The following ATRNL1 variants were observed in gnomAD, a reference collection of about 807,000 sequenced individuals.
ATRNL1 encodes attractin like 1.
ATRNL1 carries 95 observed loss-of-function variants against 182.7 expected under a neutral mutation model. That is an observed-to-expected ratio of 0.52 (90% CI 0.44 to 0.62). The LOEUF (loss-of-function observed/expected upper bound fraction) is 0.62, where lower values mean the gene tolerates loss of function less well. Ranked by LOEUF, ATRNL1 falls within the 20% of genes least tolerant of loss-of-function variation. ATRNL1 has a pLI of 0.00. For missense variants in ATRNL1, 1,471 were observed against 1,679.5 expected (o/e 0.88, Z 2.17); for synonymous variants, 576 against 568.3 (o/e 1.01, Z -0.19).
At chr10:115,836,944 T>C (rs963481185) in intron 27 of ATRNL1, among the ~76,000 whole-genome samples, 1 of 152,082 alleles carries the variant, frequency 6.6e-6, no homozygotes, top group Non-Finnish European at 1.5e-5. Context: ...GACAGAAGGC[T>C]CCTTGAAGGC....
At chr10:115,572,473 T>C (rs1316018881) in intron 26 of ATRNL1, among the ~76,000 whole-genome samples, 1 of 152,126 alleles carries the variant, frequency 6.6e-6, no homozygotes, top group Non-Finnish European at 1.5e-5. Context: ...ATCTAGGGTT[T>C]TACCTTCAAA....
intron 24 of ATRNL1, among the ~76,000 whole-genome samples, chr10:115,485,277 A>C (rs898780548): frequency 3.9e-5 from 6 of 152,064 alleles, no homozygotes; most frequent in Middle Eastern, 3.4e-3. Flanking sequence ...TATTTTTTGT[A>C]GAGTAATTTC....
intron 28 of ATRNL1, among the ~76,000 whole-genome samples, chr10:115,898,021 G>A (rs913075937): frequency 4.0e-5 from 6 of 151,740 alleles, no homozygotes; most frequent in Admixed American, 6.6e-5. Flanking sequence ...CCGTCTTCCC[G>A]GGTTCAAGCA....
intron 27 of ATRNL1, among the ~76,000 whole-genome samples, chr10:115,830,123 T>C (rs1370199046): frequency 1.3e-5 from 2 of 152,228 alleles, no homozygotes; most frequent in African/African-American, 4.8e-5. Context: ...TCCTGGTGCA[T>C]TGGCGGATCT....
intron 19 of ATRNL1, among the ~76,000 whole-genome samples, chr10:115,340,956 G>GTTTAACCC (rs2045897238): frequency 6.6e-6 from 1 of 151,050 alleles, no homozygotes; most frequent in African/African-American, 2.4e-5. Flanking sequence ...TTTCTATTTT[G>GTTTAACCC]TTTAACCTTT....
intron 19 of ATRNL1, among the ~76,000 whole-genome samples, chr10:115,361,435 T>C (rs1856742805): frequency 6.6e-6 from 1 of 152,040 alleles, no homozygotes; most frequent in South Asian, 2.1e-4. Flanking sequence ...TTTGGTACTT[T>C]TAGTGGGCTC....
intron 27 of ATRNL1, among the ~76,000 whole-genome samples, chr10:115,847,508 C>A (rs782018025): frequency 6.6e-6 from 1 of 151,902 alleles, no homozygotes; most frequent in Non-Finnish European, 1.5e-5. Context: ...GTTGTACACC[C>A]TATAGACAGT....
chr10:115,584,644 T>C (rs188005719), intron 26 of ATRNL1, among the ~76,000 whole-genome samples: 9,729 of 150,948 alleles, frequency 0.064, 419 homozygotes, highest in Middle Eastern at 0.095. Context: ...CTCTCTTTTT[T>C]TCTTTATTAG....
rs1844062382 is a variant in ATRNL1 at position 115,107,454 on chromosome 10, G to C, written c.294-12731G>C. 2.0e-5 allele frequency among the ~76,000 whole-genome samples: 3 copies of C among 152,322 alleles called. No homozygotes were observed. In the South Asian group the frequency reaches 6.2e-4, roughly 32 times the overall value. On this transcript the variant is annotated intron_variant, in intron 1 of 28. Transcript: ENST00000355044. ...TCGCCTTCTGAGCATACTTGGATGA[G>C]GATTGGGCTCCCAAGACCTCAGGCA... is the stretch of plus-strand genomic sequence containing the variant.
intron 26 of ATRNL1, among the ~76,000 whole-genome samples, chr10:115,678,386 T>C (rs1945936377): frequency 6.6e-6 from 1 of 152,104 alleles, no homozygotes; most frequent in Non-Finnish European, 1.5e-5. Flanking sequence ...TTTTATAAAA[T>C]TGATTATGAA....
intron 8 of ATRNL1, among the ~76,000 whole-genome samples, chr10:115,183,541 ATAG>A (rs1554888185): frequency 6.6e-6 from 1 of 151,638 alleles, no homozygotes; most frequent in African/African-American, 2.4e-5. Flanking sequence ...GGATATTAAA[ATAG>A]TAGACTATCT....
intron 20 of ATRNL1, among the ~76,000 whole-genome samples, chr10:115,410,624 C>G (rs782308630): frequency 7.9e-5 from 12 of 151,956 alleles, no homozygotes; most frequent in Non-Finnish European, 1.3e-4. Flanking sequence ...TGGCCTCTCT[C>G]TCTCTGTTTT....
chr10:115,621,276 T>TATATATATATATATATAGAGAG (rs1268020830), intron 26 of ATRNL1, among the ~76,000 whole-genome samples: 4 of 47,580 alleles, frequency 8.4e-5, no homozygotes, highest in African/African-American at 1.5e-4. Flanking sequence ...TATATATATA[T>TATATATATATATATATAGAGAG]AGAGAGAGAG....
At chr10:115,389,813 A>AAC (rs1302499368) in intron 19 of ATRNL1, among the ~76,000 whole-genome samples, 1 of 151,728 alleles carries the variant, frequency 6.6e-6, no homozygotes, top group African/African-American at 2.4e-5. Flanking sequence ...AATTTTCACC[A>AAC]ACAGTACACA....
rs1425532806 is a variant in ATRNL1, at chr10:115,946,359, C to T, written c.*1580C>T. 9 of 152,134 alleles carry T rather than the reference C, an allele frequency of 5.9e-5. No homozygotes were observed. Among genetic ancestry groups the T allele is most frequent in the African/African-American group, 2.2e-4 (9 of 41,426 alleles). 9.4% of individuals were successfully genotyped at this position (152,134 alleles called of 1,614,324 possible). On this transcript the variant is annotated 3_prime_UTR_variant, in exon 29 of 29. Transcript: ENST00000355044. The stretch of plus-strand genomic sequence containing the variant: ...ATTTCATAATGCCATTTATACATAG[C>T]TGAATTTGATGAGGATTGAATGTCA...
intron 27 of ATRNL1, among the ~76,000 whole-genome samples, chr10:115,815,525 A>G (rs2960660): frequency 0.72 from 108,535 of 151,518 alleles, 39,179 homozygotes; most frequent in East Asian, 0.8. Context: ...TAAATCACAA[A>G]TTACACGAAG....
chr10:115,589,239 AT>A (rs1555011394), intron 26 of ATRNL1, among the ~76,000 whole-genome samples: 1 of 152,188 alleles, frequency 6.6e-6, no homozygotes, highest in Non-Finnish European at 1.5e-5. Flanking sequence ...TCTGCCAGTA[AT>A]TCCAGAGAAT....
chr10:115,813,391 T>G (rs1950092715), intron 27 of ATRNL1, among the ~76,000 whole-genome samples: 1 of 152,168 alleles, frequency 6.6e-6, no homozygotes, highest in East Asian at 1.9e-4. Context: ...CTATTTCCTG[T>G]AATTTCTGTA....
At position 115,129,287 on chromosome 10, in the gene ATRNL1, A is replaced by G. The variant is rs782535179; in HGVS notation, c.621-40A>G. 2.4e-5 allele frequency: 37 copies of G among 1,534,370 alleles called. 1 individual carries two copies. Among genetic ancestry groups the G allele is most frequent in the Admixed American group, 1.7e-4 (10 of 58,662 alleles). On this transcript the variant is annotated intron_variant, in intron 4 of 28. Coordinates refer to ENST00000355044, the MANE Select transcript of ATRNL1 (RefSeq NM_207303.4). ...ATGTATCAACCAAAATTCTTTTTCAATTACCTTGAATCTGAATATATATGA... is the reference window on the plus strand; with the variant it reads ...ATGTATCAACCAAAATTCTTTTTCAGTTACCTTGAATCTGAATATATATGA...
Sources: allele counts gnomAD v4.1 joint callset (sites outside exome capture counted in the v4.1 genomes callset), GRCh38; gene constraint gnomAD v4.1.1; transcripts MANE v1.5; gene names NCBI Gene and HGNC (gene_info 2026-07-23, HGNC 2026-07-21).